The following NALF1 variants were observed in gnomAD, a reference collection of about 807,000 sequenced individuals.
The protein encoded by NALF1 is family with sequence similarity 155 member A.
In NALF1, 3 loss-of-function variants were observed where a neutral mutation model predicts 48.4. The observed-to-expected ratio is 0.06, with a 90% confidence interval of 0.03 to 0.16. NALF1 has a LOEUF of 0.16. Among genes scored for constraint, NALF1 ranks in the 10% least tolerant of loss-of-function variants. NALF1 has a pLI of 1.00. For synonymous variants in NALF1, 262 were observed against 245.7 expected, an observed-to-expected ratio of 1.07 and a Z score of -0.62; for missense variants, 526 against 571.5, an observed-to-expected ratio of 0.92 and a Z score of 0.81.
intron 1 of NALF1, among the ~76,000 whole-genome samples, chr13:107,796,120 T>C (rs1292338927): frequency 2.0e-5 from 3 of 152,196 alleles, no homozygotes; most frequent in African/African-American, 4.8e-5. Flanking sequence ...AAGGTAATCT[T>C]TGTGTGTGGT....
intron 1 of NALF1, among the ~76,000 whole-genome samples, chr13:107,460,392 A>G (rs1453479870): frequency 6.6e-6 from 1 of 152,170 alleles, no homozygotes; most frequent in Non-Finnish European, 1.5e-5. Flanking sequence ...GAGACTTGGC[A>G]CCTTCCTCCA....
At position 107,415,852 on chromosome 13, in the gene NALF1, G is replaced by A. The variant is rs12584518; in HGVS notation, c.916-205097C>T. On this transcript the variant is annotated intron_variant, in intron 1 of 2. Coordinates refer to ENST00000375915, the MANE Select transcript of NALF1 (RefSeq NM_001080396.3). ...TTTTCCATTTTCTAACTACAATATTGAGAAACTTTACTTGGACACATCAAC... is the reference window on the plus strand; with the variant it reads ...TTTTCCATTTTCTAACTACAATATTAAGAAACTTTACTTGGACACATCAAC... 9.2e-3 allele frequency among the ~76,000 whole-genome samples: 1,400 copies of A among 152,204 alleles called. 32 individuals are homozygous for A. Among genetic ancestry groups the A allele is most frequent in the East Asian group, 0.074 (383 of 5,166 alleles).
chr13:107,756,875 AT>A (rs900861410), intron 1 of NALF1, among the ~76,000 whole-genome samples: 9 of 152,282 alleles, frequency 5.9e-5, no homozygotes, highest in Non-Finnish European at 7.4e-5. Flanking sequence ...TAAGGATATG[AT>A]TTTGTTGTAA....
chr13:107,558,231 C>T (rs911751370), intron 1 of NALF1, among the ~76,000 whole-genome samples: 15 of 150,566 alleles, frequency 1.0e-4, no homozygotes, highest in African/African-American at 3.2e-4. Flanking sequence ...CCTTGAGTCT[C>T]TTTTTTTTTA....
At chr13:107,616,943 A>G (rs1355815173) in intron 1 of NALF1, among the ~76,000 whole-genome samples, 1 of 152,226 alleles carries the variant, frequency 6.6e-6, no homozygotes, top group Non-Finnish European at 1.5e-5. Context: ...TCTCTTATAG[A>G]GCAAATTTTT....
At chr13:107,438,997 G>A (rs1884512216) in intron 1 of NALF1, among the ~76,000 whole-genome samples, 1 of 151,784 alleles carries the variant, frequency 6.6e-6, no homozygotes. Flanking sequence ...ATTCAGAAAT[G>A]TCATGTATTA....
intron 1 of NALF1, among the ~76,000 whole-genome samples, chr13:107,390,008 C>G (rs959242255): frequency 2.0e-4 from 31 of 152,160 alleles, no homozygotes; most frequent in Non-Finnish European, 3.4e-4. Context: ...CTCAATATAG[C>G]TATATCTACC....
chr13:107,658,684 A>C (rs761701369), intron 1 of NALF1, among the ~76,000 whole-genome samples: 8 of 152,102 alleles, frequency 5.3e-5, no homozygotes, highest in African/African-American at 1.9e-4. Flanking sequence ...TATTGCTCTA[A>C]ACTCAGATTC....
In NALF1 at chr13:107,866,367, CGCTGCTGCTGCTGGTGCT is replaced by C; in HGVS notation, c.212_229del (p.Glu71_Arg77delinsGly). ...CTGCTGCTGCTGCTGCTGCTGCTGC[CGCTGCTGCTGCTGGTGCT>C]CCTTGTCCCGGGCCCGGGTCAGCTT... On this transcript the variant is annotated inframe_deletion, in exon 1 of 3. Coordinates refer to ENST00000375915, the MANE Select transcript of NALF1 (RefSeq NM_001080396.3). The surrounding 1 kb of genome is among the most constrained non-coding windows in gnomAD (Gnocchi z 4.4). 2.5e-6 allele frequency: 4 copies of C among 1,573,066 alleles called. No homozygotes were observed. Among genetic ancestry groups the C allele is most frequent in the Middle Eastern group, 1.7e-4 (1 of 5,906 alleles).
chr13:107,858,366 T>C (rs951495405), intron 1 of NALF1, among the ~76,000 whole-genome samples: 5 of 152,294 alleles, frequency 3.3e-5, no homozygotes, highest in South Asian at 2.1e-4. Context: ...AAAGAAAACA[T>C]TTACAGTGAT....
chr13:107,367,009 C>T (rs61967183), intron 1 of NALF1, among the ~76,000 whole-genome samples: 4 of 151,782 alleles, frequency 2.6e-5, no homozygotes, highest in Admixed American at 6.6e-5. Flanking sequence ...AAACTCCAGG[C>T]GTTATTTTAG....
At chr13:107,258,232 T>C (rs900551675) in intron 1 of NALF1, among the ~76,000 whole-genome samples, 11 of 152,212 alleles carry the variant, frequency 7.2e-5, no homozygotes, top group African/African-American at 2.7e-4. Context: ...AATTAGATGA[T>C]ATTTTAATAA....
intron 1 of NALF1, among the ~76,000 whole-genome samples, chr13:107,686,833 A>G (rs1252291118): frequency 2.0e-5 from 3 of 152,174 alleles, no homozygotes; most frequent in Non-Finnish European, 4.4e-5. Context: ...AAAAGGATAC[A>G]CTTATATGCT....
chr13:107,535,703 C>T (rs1258041720), intron 1 of NALF1, among the ~76,000 whole-genome samples: 1 of 152,168 alleles, frequency 6.6e-6, no homozygotes, highest in Non-Finnish European at 1.5e-5. Flanking sequence ...CAATGACTTT[C>T]TTCACAGAAT....
intron 1 of NALF1, among the ~76,000 whole-genome samples, chr13:107,733,159 G>T (rs1876362772): frequency 6.6e-6 from 1 of 150,910 alleles, no homozygotes; most frequent in Non-Finnish European, 1.5e-5. Context: ...AAAAAAAAGT[G>T]CCAGTATCAC....
chr13:107,199,561 C>A (rs763469950), intron 2 of NALF1, among the ~76,000 whole-genome samples: 2 of 152,060 alleles, frequency 1.3e-5, no homozygotes, highest in Non-Finnish European at 2.9e-5. Flanking sequence ...ACAGGGGATA[C>A]AATTGAACAC....
chr13:107,487,721 G>A (rs1885352231), intron 1 of NALF1, among the ~76,000 whole-genome samples: 1 of 152,136 alleles, frequency 6.6e-6, no homozygotes, highest in Non-Finnish European at 1.5e-5. Flanking sequence ...TTTGATCAAG[G>A]ATATTGGCCT....
chr13:107,380,807 T>A (rs953194712), intron 1 of NALF1, among the ~76,000 whole-genome samples: 1 of 151,448 alleles, frequency 6.6e-6, no homozygotes, highest in Non-Finnish European at 1.5e-5. Context: ...TGAGACCCCG[T>A]CTCTACTAAA....
chr13:107,387,632 T>G (rs184441174), intron 1 of NALF1, among the ~76,000 whole-genome samples: 2 of 151,822 alleles, frequency 1.3e-5, no homozygotes, highest in Admixed American at 1.3e-4. Context: ...GAGATGAGAG[T>G]TATATAACCA....
Sources: gnomAD v4.1 joint callset for allele counts (sites outside exome capture counted in the v4.1 genomes callset) on GRCh38, gnomAD v4.1.1 for gene constraint, Gnocchi (gnomAD v3.1) non-coding constraint, MANE v1.5 for transcripts, NCBI Gene and HGNC (gene_info 2026-07-23, HGNC 2026-07-21) for gene names.